The following UNC5C variants were observed in gnomAD, a reference collection of about 807,000 sequenced individuals.
UNC5C encodes netrin receptor UNC5C.
Under a neutral mutation model 99.8 loss-of-function variants are expected in UNC5C, and 47 were observed. That is an observed-to-expected ratio of 0.47 (90% CI 0.37 to 0.60). The LOEUF is 0.60. UNC5C is among the 20% of genes least tolerant of loss of function. The pLI is 0.00. For missense variants in UNC5C, 1,062 were observed against 1,165.9 expected (o/e 0.91, Z 1.30); for synonymous variants, 487 against 452.2 (o/e 1.08, Z -0.98).
intron 2 of UNC5C, among the ~76,000 whole-genome samples, chr4:95,331,664 T>A (rs1743117577): frequency 6.6e-6 from 1 of 152,164 alleles, no homozygotes; most frequent in Non-Finnish European, 1.5e-5. Flanking sequence ...ACATGCAAAC[T>A]ATTTTAGTTT....
chr4:95,246,725 G>C (rs1579264165), intron 5 of UNC5C, among the ~76,000 whole-genome samples: 1 of 151,798 alleles, frequency 6.6e-6, no homozygotes, highest in East Asian at 1.9e-4. Context: ...ATATAACAAT[G>C]TATAATGCTT....
intron 11 of UNC5C, among the ~76,000 whole-genome samples, chr4:95,204,629 A>G (rs1215395976): frequency 6.6e-6 from 1 of 152,252 alleles, no homozygotes; most frequent in Non-Finnish European, 1.5e-5. Flanking sequence ...GGAGAAATCC[A>G]CGCGTGAGCA....
chr4:95,336,926 A>G (rs1307341674), intron 1 of UNC5C, among the ~76,000 whole-genome samples: 1 of 151,964 alleles, frequency 6.6e-6, no homozygotes, highest in Non-Finnish European at 1.5e-5. Context: ...TTACTAAAGA[A>G]TAACCTTGTT....
chr4:95,262,466 C>A (rs978115317), intron 4 of UNC5C, among the ~76,000 whole-genome samples: 7 of 152,194 alleles, frequency 4.6e-5, no homozygotes, highest in African/African-American at 1.7e-4. Flanking sequence ...CATCCTGTTT[C>A]ATTTCAGCAG....
chr4:95,452,340 G>C (rs1027935822), intron 1 of UNC5C, among the ~76,000 whole-genome samples: 1 of 151,760 alleles, frequency 6.6e-6, no homozygotes, highest in East Asian at 1.9e-4. Context: ...AAAATATTAA[G>C]AGCCAATTTT....
chr4:95,259,057 G>A (rs890068717), intron 4 of UNC5C, among the ~76,000 whole-genome samples: 5 of 151,992 alleles, frequency 3.3e-5, no homozygotes, highest in South Asian at 2.1e-4. Flanking sequence ...CACCGCGCCC[G>A]GCCTCGACCA....
At chr4:95,481,404 G>T (rs1180720569) in intron 1 of UNC5C, among the ~76,000 whole-genome samples, 1 of 151,876 alleles carries the variant, frequency 6.6e-6, no homozygotes. Context: ...TGGGTAGGAA[G>T]AATCAATATC....
intron 3 of UNC5C, among the ~76,000 whole-genome samples, chr4:95,292,126 T>C (rs1470739488): frequency 6.6e-6 from 1 of 150,836 alleles, no homozygotes; most frequent in Admixed American, 6.6e-5. Flanking sequence ...AAGTAACACA[T>C]AAGGCCACAA....
At chr4:95,189,499 T>TTAAAC (rs1272833600) in intron 12 of UNC5C, among the ~76,000 whole-genome samples, 13 of 152,292 alleles carry the variant, frequency 8.5e-5, no homozygotes, top group Non-Finnish European at 1.9e-4. Context: ...TGGGATCTAA[T>TTAAAC]TAAACTAAAG....
At chr4:95,457,234 A>T (rs1242044317) in intron 1 of UNC5C, among the ~76,000 whole-genome samples, 1 of 152,078 alleles carries the variant, frequency 6.6e-6, no homozygotes, top group South Asian at 2.1e-4. Context: ...CTTTTTTCAA[A>T]CCTGTTATAT....
At chr4:95,511,577 G>A (rs563567656) in intron 1 of UNC5C, among the ~76,000 whole-genome samples, 124 of 152,212 alleles carry the variant, frequency 8.1e-4, no homozygotes, top group African/African-American at 2.8e-3. Context: ...TCTTCACTTA[G>A]TAGGTACACT....
chr4:95,210,655 G>C (rs1477127399), intron 10 of UNC5C, among the ~76,000 whole-genome samples: 1 of 152,178 alleles, frequency 6.6e-6, no homozygotes, highest in African/African-American at 2.4e-5. Context: ...CAATTAAGTA[G>C]AAATTTCAGC....
rs1739374000 is a variant in UNC5C, at chr4:95,242,755, A to G, written c.944-162T>C. 1.3e-5 allele frequency among the ~76,000 whole-genome samples: 2 copies of G among 152,088 alleles called. 1 individual carries two copies. The highest frequency in any genetic ancestry group is 4.2e-4 in the South Asian group (2 of 4,814). On this transcript the variant is annotated intron_variant, in intron 6 of 15. Coordinates refer to ENST00000453304, the MANE Select transcript of UNC5C (RefSeq NM_003728.4). ...TGCTGGGAACTGCATGTTCTACATC[A>G]TTTGGGTTTGGTGAGCTTTTCCTAT...
chr4:95,237,674 C>G (rs1739170158), intron 7 of UNC5C, among the ~76,000 whole-genome samples: 1 of 151,992 alleles, frequency 6.6e-6, no homozygotes, highest in Non-Finnish European at 1.5e-5. Flanking sequence ...ATATATATTA[C>G]TTAGGTATAA....
chr4:95,450,746 T>A (rs1236627533), intron 1 of UNC5C, among the ~76,000 whole-genome samples: 1 of 152,244 alleles, frequency 6.6e-6, no homozygotes, highest in East Asian at 1.9e-4. Context: ...CCAAGTTGCT[T>A]ATTTGAAAAA....
chr4:95,314,216 G>C (rs1196671074), intron 2 of UNC5C, among the ~76,000 whole-genome samples: 2 of 152,168 alleles, frequency 1.3e-5, no homozygotes, highest in Non-Finnish European at 2.9e-5. Context: ...ATTTTCAGTG[G>C]ACTCGGGCAA....
chr4:95,356,283 T>C (rs1459982658), intron 1 of UNC5C, among the ~76,000 whole-genome samples: 3 of 151,906 alleles, frequency 2.0e-5, no homozygotes, highest in Non-Finnish European at 4.4e-5. Flanking sequence ...TGTTTTTGTC[T>C]TATCTTAGTT....
intron 1 of UNC5C, among the ~76,000 whole-genome samples, chr4:95,339,522 T>C (rs1055464752): frequency 3.3e-5 from 5 of 151,870 alleles, no homozygotes; most frequent in African/African-American, 1.2e-4. Context: ...CTTGGAGCTA[T>C]AAAAAAATTG....
chr4:95,214,154 C>A (rs1337808367), intron 10 of UNC5C, among the ~76,000 whole-genome samples: 1 of 152,192 alleles, frequency 6.6e-6, no homozygotes, highest in Non-Finnish European at 1.5e-5. Flanking sequence ...AAAGCACATT[C>A]TTGCCATTGT....
Sources: allele counts gnomAD v4.1 joint callset (sites outside exome capture counted in the v4.1 genomes callset), GRCh38; gene constraint gnomAD v4.1.1; transcripts MANE v1.5; gene names NCBI Gene and HGNC (gene_info 2026-07-23, HGNC 2026-07-21).